JAK2: variants seen among roughly 807,000 people sequenced by gnomAD.
The protein encoded by JAK2 is Janus kinase 2, also known as tyrosine-protein kinase JAK2.
A neutral mutation model predicts 139.3 loss-of-function variants in JAK2; 86 were observed. That is an observed-to-expected ratio of 0.62 (90% CI 0.52 to 0.74). The LOEUF (loss-of-function observed/expected upper bound fraction) is 0.74, where lower values mean the gene tolerates loss of function less well. Ranked by LOEUF, JAK2 falls within the 30% of genes least tolerant of loss-of-function variation. The pLI is 0.00. For synonymous variants in JAK2, 490 were observed against 437.7 expected (o/e 1.12, Z -1.49); for missense variants, 1,421 against 1,360.3 (o/e 1.04, Z -0.70).
intron 14 of JAK2, among the ~76,000 whole-genome samples, chr9:5,076,195 C>G (rs918945544): frequency 1.3e-5 from 2 of 152,112 alleles, no homozygotes; most frequent in African/African-American, 4.8e-5. Context: ...TGTGAAATGA[C>G]AACAAAGGGT....
intron 2 of JAK2, among the ~76,000 whole-genome samples, chr9:4,989,606 A>G (rs1260274450): frequency 1.3e-5 from 2 of 152,234 alleles, no homozygotes; most frequent in African/African-American, 2.4e-5. Flanking sequence ...ATAAAGAAAT[A>G]TAAAATAGGC....
chr9:5,034,561 A>G (rs1286777860), intron 4 of JAK2, among the ~76,000 whole-genome samples: 4 of 151,512 alleles, frequency 2.6e-5, no homozygotes, highest in African/African-American at 7.3e-5. Context: ...GTGCAATCAA[A>G]CTAGAACTCA....
In JAK2 at chr9:5,055,808, G is replaced by A. The variant is rs1037150113; in HGVS notation, c.1056+20G>A. ...AATCTGGTAAGTTTGCTTTATGATT[G>A]AATAATGGTTTCATTTTATAGTTCT... is the stretch of plus-strand genomic sequence containing the variant. On this transcript the variant is annotated intron_variant, in intron 8 of 24. Coordinates refer to ENST00000381652, the MANE Select transcript of JAK2 (RefSeq NM_004972.4). 1.1e-5 allele frequency: 17 copies of A among 1,593,742 alleles called. No homozygotes were observed. Among genetic ancestry groups the A allele is most frequent in the Non-Finnish European group, 1.3e-5 (15 of 1,166,242 alleles).
intron 5 of JAK2, among the ~76,000 whole-genome samples, chr9:5,046,063 A>G (rs1362900284): frequency 6.6e-6 from 1 of 152,166 alleles, no homozygotes; most frequent in Non-Finnish European, 1.5e-5. Context: ...TTGTTTGATA[A>G]TAGCCATCTC....
intron 4 of JAK2, chr9:5,041,616 A>T: frequency 2.0e-6 from 1 of 496,036 alleles, no homozygotes; most frequent in Non-Finnish European, 4.0e-6. Flanking sequence ...CTGTGACTAC[A>T]TGCGGCGCCT....
chr9:5,093,596 C>G (rs567009182), intron 22 of JAK2, among the ~76,000 whole-genome samples: 1 of 152,266 alleles, frequency 6.6e-6, no homozygotes, highest in Admixed American at 6.5e-5. Context: ...AACCTACTAT[C>G]TCTGCATTAA....
intron 22 of JAK2, chr9:5,108,072 C>T (rs1325267247): frequency 6.6e-6 from 1 of 152,050 alleles, no homozygotes; most frequent in Non-Finnish European, 1.5e-5. Flanking sequence ...GTAACTCATC[C>T]AACTTCTCAC....
rs1563993443 is a variant in JAK2, at chr9:5,089,727, T to G, written c.2625T>G (p.Thr875=). The change falls in exon 20 of 25, where the codon ACT becomes ACG. Residue 875 remains threonine (T), a synonymous_variant. Transcript: ENST00000381652. ...MCRYDPLQDN[T]GEVVAVKKLQ... Reference sequence around the variant, plus strand: ...GGTATGACCCTCTACAGGACAACACTGGGGAGGTGGTCGCTGTAAAAAAGC... The same window carrying G: ...GGTATGACCCTCTACAGGACAACACGGGGGAGGTGGTCGCTGTAAAAAAGC... The G allele has an allele frequency of 1.9e-6, 3 of 1,579,870 alleles. No individual in the cohort carries two copies. Among genetic ancestry groups the G allele is most frequent in the Non-Finnish European group, 2.6e-6 (3 of 1,163,372 alleles).
chr9:5,078,329 G>T lies in JAK2; in HGVS notation c.2016G>T (p.Gly672=), dbSNP rs2130590032. 6.2e-7 allele frequency: 1 copy of T among 1,612,252 alleles called. No individual in the cohort carries two copies. Residue 672 remains glycine, a synonymous_variant, in exon 16 of 25, where the codon GGG becomes GGT. Transcript: ENST00000381652. ...HFLEENTLIH[G]NVCAKNILLI... is the part of the protein sequence containing the mutation. ...AGGAAGAAAACACCCTTATTCATGG[G>T]AATGTATGTGCCAAAAATATTCTGC...
chr9:5,091,834 T>C (rs955259653), intron 22 of JAK2, among the ~76,000 whole-genome samples: 6 of 152,098 alleles, frequency 3.9e-5, no homozygotes, highest in African/African-American at 1.4e-4. Context: ...CTATAATGGG[T>C]ACTTTAAGGT....
intron 3 of JAK2, 94 bp from the exon 4 acceptor site, chr9:5,029,689 A>G: frequency 2.7e-6 from 3 of 1,128,018 alleles, no homozygotes; most frequent in Non-Finnish European, 3.7e-6. Flanking sequence ...CGATTTTAAG[A>G]GTTGTTACTT....
At chr9:5,034,296 A>C (rs1235741124) in intron 4 of JAK2, among the ~76,000 whole-genome samples, 1 of 152,184 alleles carries the variant, frequency 6.6e-6, no homozygotes, top group African/African-American at 2.4e-5. Context: ...ATAATGGGAG[A>C]CTTTAACACC....
intron 2 of JAK2, among the ~76,000 whole-genome samples, chr9:4,993,646 C>A (rs1012252786): frequency 2.1e-4 from 32 of 152,306 alleles, no homozygotes; most frequent in African/African-American, 7.7e-4. Flanking sequence ...TGCTTGAAGT[C>A]CTCACTGACA....
In JAK2 at chr9:5,070,059, C is replaced by G; in HGVS notation, c.1641+7C>G. The G allele has an allele frequency of 1.1e-5, 17 of 1,588,584 alleles. No homozygotes were observed. The highest frequency in any genetic ancestry group is 1.4e-5 in the Non-Finnish European group (16 of 1,164,202). ...AAATGAAGATTTGATATTTGTAAGT[C>G]ATTAGATACTCATTACTGTCTTTTT... On this transcript the variant is annotated splice_region_variant and intron_variant, in intron 12 of 24. Transcript: ENST00000381652.
In JAK2 at chr9:5,105,380, G is replaced by T. The variant is rs112474509; in HGVS notation, c.3059+14469G>T. On this transcript the variant is annotated intron_variant, in intron 22 of 24. Transcript: ENST00000381652. Reference sequence around the variant, plus strand: ...CGAAGGACCTCTGGACCTCTTCAAGGAAAACTACAAACCACTGCTCAATGA... The same window carrying T: ...CGAAGGACCTCTGGACCTCTTCAAGTAAAACTACAAACCACTGCTCAATGA... 5.0e-3 allele frequency among the ~76,000 whole-genome samples: 760 copies of T among 152,212 alleles called. 5 individuals are homozygous for T. The highest frequency in any genetic ancestry group is 0.017 in the African/African-American group (687 of 41,534).
At chr9:5,102,687 C>T (rs531994309) in intron 22 of JAK2, among the ~76,000 whole-genome samples, 3 of 152,298 alleles carry the variant, frequency 2.0e-5, no homozygotes, top group Admixed American at 6.5e-5. Flanking sequence ...AGACTAACAG[C>T]GGATCTCTCA....
intron 22 of JAK2, among the ~76,000 whole-genome samples, chr9:5,119,750 A>G (rs187306202): frequency 5.3e-4 from 81 of 152,212 alleles, no homozygotes; most frequent in Admixed American, 8.5e-4. Context: ...TATGAAAATC[A>G]GAAATAACTT....
At chr9:5,120,984 G>C (rs1823575452) in intron 22 of JAK2, among the ~76,000 whole-genome samples, 1 of 152,138 alleles carries the variant, frequency 6.6e-6, no homozygotes, top group African/African-American at 2.4e-5. Flanking sequence ...CAAAGATATG[G>C]TTATAAATTT....
At chr9:5,083,412 T>C (rs1306967292) in intron 19 of JAK2, among the ~76,000 whole-genome samples, 2 of 152,334 alleles carry the variant, frequency 1.3e-5, no homozygotes, top group East Asian at 1.9e-4. Flanking sequence ...GTAAGTACCA[T>C]GTTAGTGTTG....
Sources: allele counts gnomAD v4.1 joint callset (sites outside exome capture counted in the v4.1 genomes callset), GRCh38; gene constraint gnomAD v4.1.1; transcripts MANE v1.5; gene names NCBI Gene and HGNC (gene_info 2026-07-23, HGNC 2026-07-21).